The following ZNF354C variants were observed in gnomAD, a reference collection of about 807,000 sequenced individuals.
The protein encoded by ZNF354C is zinc finger protein 354C, also known as KRAB-zinc finger protein synten.
Under a neutral mutation model 12.4 loss-of-function variants are expected in ZNF354C, and 7 were observed. The ratio of observed to expected loss-of-function variants is 0.56; its 90% CI spans 0.32 to 1.06. The LOEUF is 1.06. Among genes scored for constraint, ZNF354C ranks in the 50% least tolerant of loss-of-function variants. The pLI is 0.04. For synonymous variants in ZNF354C, 202 were observed against 224.5 expected, an observed-to-expected ratio of 0.90 and a Z score of 0.90; for missense variants, 609 against 658.0, an observed-to-expected ratio of 0.93 and a Z score of 0.81.
Position 179,078,794 on chromosome 5 carries a change from A to C in ZNF354C, c.362A>C (p.Asp121Ala), listed in dbSNP as rs768903105. The C allele has an allele frequency of 1.4e-5, 23 of 1,613,988 alleles. No homozygotes were observed. Among genetic ancestry groups the C allele is most frequent in the Non-Finnish European group, 1.9e-5 (23 of 1,180,002 alleles). ...KKESIKDGHW[D>A]INFEEAVEFE... ...GAATCCATTAAGGATGGTCACTGGGACATTAACTTTGAAGAAGCTGTGGAA... is the reference window on the plus strand; with the variant it reads ...GAATCCATTAAGGATGGTCACTGGGCCATTAACTTTGAAGAAGCTGTGGAA... The change falls in exon 5 of 5, where the codon GAC (aspartate) becomes GCC (alanine). Residue 121 changes from aspartate (D) to alanine (A), a missense_variant. Asp to Ala is a moderately radical substitution (Grantham distance 126). Coordinates refer to ENST00000315475, the MANE Select transcript of ZNF354C (RefSeq NM_014594.3).
intron 4 of ZNF354C, among the ~76,000 whole-genome samples, chr5:179,077,582 AAT>A (rs1762140907): frequency 6.6e-6 from 1 of 152,210 alleles, no homozygotes; most frequent in African/African-American, 2.4e-5. Context: ...AGAAGAAATG[AAT>A]ATGTCTCTCT....
At chr5:179,071,257 C>A (rs539560285) in intron 2 of ZNF354C, among the ~76,000 whole-genome samples, 1 of 151,972 alleles carries the variant, frequency 6.6e-6, no homozygotes, top group East Asian at 1.9e-4. Context: ...AGATACCACA[C>A]GCTAACGAGA....
chr5:179,068,754 C>A (rs868414885), intron 2 of ZNF354C, among the ~76,000 whole-genome samples: 3 of 151,964 alleles, frequency 2.0e-5, no homozygotes, highest in Non-Finnish European at 4.4e-5. Flanking sequence ...TGCCAGGGCA[C>A]CATAGCAAAA....
rs1244904357 is a variant in ZNF354C, at chr5:179,083,492, G to C, written c.*3395G>C. ...TTGGTCATTTAAAACATTTTTCTAT[G>C]TGTGTCAATTTTTAATAAAAATGCA... On this transcript the variant is annotated 3_prime_UTR_variant, in exon 5 of 5. Transcript: ENST00000315475. The C allele has an allele frequency of 2.0e-5, 3 of 149,412 alleles. No homozygotes were observed. The highest frequency in any genetic ancestry group is 4.4e-5 in the Non-Finnish European group (3 of 67,974). The allele number at this position is 149,412 out of a possible 1,614,324, so 9.3% of individuals were successfully genotyped here. A position where few individuals can be genotyped will look rare whatever the true frequency, so the allele number is the denominator to read the frequency against.
At position 179,083,945 on chromosome 5, in the gene ZNF354C, C is replaced by CCTCA. The variant is rs3086839; in HGVS notation, c.*3850_*3851insCACT. Among the ~76,000 whole-genome samples, 106,731 of 151,392 alleles carry CCTCA rather than the reference C, an allele frequency of 0.7. 37,832 individuals carry two copies. The highest frequency in any genetic ancestry group is 0.89 in the East Asian group (4,553 of 5,140). The stretch of plus-strand genomic sequence containing the variant: ...AGGAGACTCCCCATTGCTTTTCTTC[C>CCTCA]CTATCTATCTTCCTGCTACTTGGAC... On this transcript the variant is annotated 3_prime_UTR_variant, in exon 5 of 5. Coordinates refer to ENST00000315475, the MANE Select transcript of ZNF354C (RefSeq NM_014594.3).
chr5:179,076,366 A>G (rs767926524), intron 2 of ZNF354C, 79 bp from the exon 3 acceptor site: 11 of 1,594,574 alleles, frequency 6.9e-6, no homozygotes, highest in Non-Finnish European at 7.7e-6. Flanking sequence ...TTTTCTGTAC[A>G]TCCCACTGTC....
chr5:179,072,885 AAAT>A (rs1190623338), intron 2 of ZNF354C, among the ~76,000 whole-genome samples: 6 of 152,186 alleles, frequency 3.9e-5, no homozygotes, highest in African/African-American at 1.4e-4. Flanking sequence ...GTTTTTAAGT[AAAT>A]AATCTGGTAT....
In ZNF354C at chr5:179,077,305, T is replaced by C. The variant is rs757759288; in HGVS notation, c.250+139T>C. Reference sequence around the variant, plus strand: ...CCAGTTGTATTTTGTTTGAGTTGTATAGGTTAAAGTACACACAATTACCTA... The same window carrying C: ...CCAGTTGTATTTTGTTTGAGTTGTACAGGTTAAAGTACACACAATTACCTA... On this transcript the variant is annotated intron_variant, in intron 4 of 4. Transcript: ENST00000315475. 53 of 654,426 alleles carry C rather than the reference T, an allele frequency of 8.1e-5. No individual in the cohort carries two copies. The Admixed American group carries it at 1.3e-3, about 17-fold the overall frequency. The allele number at this position is 654,426 out of a possible 1,614,324, so 40.5% of individuals were successfully genotyped here.
At position 179,066,818 on chromosome 5, in the gene ZNF354C, G is replaced by A. The variant is rs539654705; in HGVS notation, c.27+4723G>A. Reference sequence around the variant, plus strand: ...CTGCAGTTTTCATATAATATGCCTAGGTGTAGATATTTTGGTAGTCATCCT... The same window carrying A: ...CTGCAGTTTTCATATAATATGCCTAAGTGTAGATATTTTGGTAGTCATCCT... On this transcript the variant is annotated intron_variant, in intron 2 of 4. Coordinates refer to ENST00000315475, the MANE Select transcript of ZNF354C (RefSeq NM_014594.3). 5.6e-4 allele frequency among the ~76,000 whole-genome samples: 85 copies of A among 152,136 alleles called. 1 individual carries two copies. Among genetic ancestry groups the A allele is most frequent in the African/African-American group, 1.9e-3 (79 of 41,510 alleles).
chr5:179,066,500 A>T (rs950397783), intron 2 of ZNF354C, among the ~76,000 whole-genome samples: 1 of 152,176 alleles, frequency 6.6e-6, no homozygotes, highest in African/African-American at 2.4e-5. Context: ...TTCCTTCCCC[A>T]TGAAGAACTT....
rs1295662440 is a variant in ZNF354C, at chr5:179,077,025, G to A, written c.155-46G>A. 8 of 1,536,212 alleles carry A rather than the reference G, an allele frequency of 5.2e-6. No homozygotes were observed. The South Asian group carries it at 9.1e-5, about 17-fold the overall frequency. ...GAGTAGTAGGTCAGTTCTAGGATTG[G>A]TCTTCATGCTATTTGTTCAAACTTC... On this transcript the variant is annotated intron_variant, in intron 3 of 4. Transcript: ENST00000315475.
chr5:179,073,082 G>A (rs1030447082), intron 2 of ZNF354C, among the ~76,000 whole-genome samples: 2 of 152,058 alleles, frequency 1.3e-5, no homozygotes, highest in African/African-American at 2.4e-5. Flanking sequence ...TTGAATGACC[G>A]CTGGCTTCTC....
intron 4 of ZNF354C, among the ~76,000 whole-genome samples, 177 bp from the exon 5 acceptor site, chr5:179,078,506 C>T (rs1268408278): frequency 6.6e-6 from 1 of 152,300 alleles, no homozygotes; most frequent in African/African-American, 2.4e-5. Context: ...CATTCCTTAA[C>T]CTGTTTACCT....
chr5:179,074,172 G>A (rs1386780352), intron 2 of ZNF354C, among the ~76,000 whole-genome samples: 5 of 151,910 alleles, frequency 3.3e-5, no homozygotes, highest in African/African-American at 1.2e-4. Flanking sequence ...TAGTAGAGAT[G>A]GGGTTTCACC....
At chr5:179,062,986 C>T (rs530116127) in intron 2 of ZNF354C, among the ~76,000 whole-genome samples, 6 of 152,272 alleles carry the variant, frequency 3.9e-5, no homozygotes, top group South Asian at 2.1e-4. Flanking sequence ...TCTGTCATTC[C>T]GACGTGGAAG....
intron 2 of ZNF354C, among the ~76,000 whole-genome samples, chr5:179,069,793 G>GA (rs1386614427): frequency 6.6e-6 from 1 of 152,006 alleles, no homozygotes; most frequent in Non-Finnish European, 1.5e-5. Flanking sequence ...GTGAACCCGG[G>GA]AGGCGGAGCT....
At position 179,081,996 on chromosome 5, in the gene ZNF354C, A is replaced by G. The variant is rs1762232583; in HGVS notation, c.*1899A>G. 1 of 152,362 alleles carries G rather than the reference A, an allele frequency of 6.6e-6. No homozygotes were observed. Among genetic ancestry groups the G allele is most frequent in the South Asian group, 2.1e-4 (1 of 4,832 alleles). The allele number at this position is 152,362 out of a possible 1,614,324, so 9.4% of individuals were successfully genotyped here. A position where few individuals can be genotyped will look rare whatever the true frequency, so the allele number is the denominator to read the frequency against. On this transcript the variant is annotated 3_prime_UTR_variant, in exon 5 of 5. Transcript: ENST00000315475. The stretch of plus-strand genomic sequence containing the variant: ...GAAGTTCATAATGATGAAAGTAGAG[A>G]AAAAAGAAAACTCTATACAATTATT...
intron 2 of ZNF354C, among the ~76,000 whole-genome samples, chr5:179,063,998 G>A (rs1261037908): frequency 6.6e-6 from 1 of 152,264 alleles, no homozygotes; most frequent in South Asian, 2.1e-4. Context: ...AAACCAAGAC[G>A]TAAAGACCAG....
At chr5:179,069,661 C>A (rs1762016348) in intron 2 of ZNF354C, among the ~76,000 whole-genome samples, 1 of 151,234 alleles carries the variant, frequency 6.6e-6, no homozygotes, top group African/African-American at 2.4e-5. Context: ...ATCAGGAGAT[C>A]GAGACCATCC....
Sources: allele counts gnomAD v4.1 joint callset (sites outside exome capture counted in the v4.1 genomes callset), GRCh38; gene constraint gnomAD v4.1.1; transcripts MANE v1.5; gene names NCBI Gene and HGNC (gene_info 2026-07-23, HGNC 2026-07-21).